RARB: variants seen among roughly 807,000 people sequenced by gnomAD.
RARB encodes retinoic acid receptor beta, also known as HBV-activated protein.
A neutral mutation model predicts 51.9 loss-of-function variants in RARB; 17 were observed. That is an observed-to-expected ratio of 0.33 (90% CI 0.22 to 0.49). The LOEUF (loss-of-function observed/expected upper bound fraction) is 0.49, where lower values mean the gene tolerates loss of function less well. RARB is among the 20% of genes least tolerant of loss of function. RARB has a pLI of 0.99. For missense variants in RARB, 369 were observed against 550.8 expected, an observed-to-expected ratio of 0.67 and a Z score of 3.30; for synonymous variants, 215 against 195.4, an observed-to-expected ratio of 1.10 and a Z score of -0.84.
intron 5 of RARB, among the ~76,000 whole-genome samples, chr3:25,296,915 A>T (rs780148637): frequency 1.3e-5 from 2 of 152,296 alleles, no homozygotes; most frequent in African/African-American, 2.4e-5. Context: ...GAGTGAGAAG[A>T]TATGCCTTCA....
rs187740195 is a variant in RARB at position 25,475,631 on chromosome 3, A to T, written c.306+14290A>T. On this transcript the variant is annotated intron_variant, in intron 2 of 7. Coordinates refer to ENST00000330688, the MANE Select transcript of RARB (RefSeq NM_000965.5). ...TCAAGCCATCTGGGGAGCACAGTCA[A>T]TGGATGTGGGTAAATGTTTGTTTCT... 3.9e-5 allele frequency among the ~76,000 whole-genome samples: 6 copies of T among 152,288 alleles called. No homozygotes were observed. The South Asian group carries it at 1.2e-3, about 32-fold the overall frequency.
intron 2 of RARB, among the ~76,000 whole-genome samples, chr3:24,873,202 T>C (rs185281697): frequency 6.6e-6 from 1 of 152,382 alleles, no homozygotes; most frequent in Admixed American, 6.5e-5. Flanking sequence ...TTTGTAAGGT[T>C]AGAATTATCT....
At chr3:25,387,977 A>G (rs1706844786) in intron 5 of RARB, among the ~76,000 whole-genome samples, 1 of 152,076 alleles carries the variant, frequency 6.6e-6, no homozygotes, top group Non-Finnish European at 1.5e-5. Flanking sequence ...CACTAAGGAG[A>G]CTTCCCCCGT....
At chr3:24,881,555 G>GA (rs768992839) in intron 2 of RARB, among the ~76,000 whole-genome samples, 10 of 152,218 alleles carry the variant, frequency 6.6e-5, no homozygotes, top group East Asian at 5.8e-4. Context: ...GGGACCAAGA[G>GA]AAAATCTTGA....
At chr3:24,904,473 C>T (rs544283573) in intron 2 of RARB, among the ~76,000 whole-genome samples, 1 of 152,286 alleles carries the variant, frequency 6.6e-6, no homozygotes, top group East Asian at 1.9e-4. Context: ...TACCATCTGA[C>T]ACCAGTTAGA....
chr3:25,046,861 A>C (rs2125297632), intron 2 of RARB, among the ~76,000 whole-genome samples: 1 of 152,338 alleles, frequency 6.6e-6, no homozygotes, highest in Non-Finnish European at 1.5e-5. Flanking sequence ...TTATAAGTTA[A>C]TACACGTGTG....
At chr3:24,927,991 GC>G (rs1427238590) in intron 2 of RARB, among the ~76,000 whole-genome samples, 1 of 152,016 alleles carries the variant, frequency 6.6e-6, no homozygotes, top group East Asian at 1.9e-4. Flanking sequence ...CAATGTGATT[GC>G]TTTATTGTTG....
chr3:25,036,782 C>T (rs1201330312), intron 2 of RARB, among the ~76,000 whole-genome samples: 2 of 152,170 alleles, frequency 1.3e-5, no homozygotes, highest in African/African-American at 4.8e-5. Context: ...AGCCAACTAA[C>T]TCCTAAGTGT....
intron 3 of RARB, among the ~76,000 whole-genome samples, chr3:25,105,657 G>C (rs1699485848): frequency 6.6e-6 from 1 of 152,156 alleles, no homozygotes; most frequent in African/African-American, 2.4e-5. Context: ...GTCAGGGGAA[G>C]CAGCTTCTTT....
At chr3:25,273,820 C>T (rs776049759) in intron 5 of RARB, among the ~76,000 whole-genome samples, 4 of 152,168 alleles carry the variant, frequency 2.6e-5, no homozygotes, top group Non-Finnish European at 5.9e-5. Flanking sequence ...CTCTTATAAC[C>T]CACCACCTAA....
rs183649518 is a variant in RARB at position 25,306,996 on chromosome 3, A to C, written c.178+132421A>C. On this transcript the variant is annotated intron_variant, in intron 5 of 11. Coordinates refer to the RARB transcript ENST00000383772. The stretch of plus-strand genomic sequence containing the variant: ...CGCTAAGAGAGATACATTCCTTCAC[A>C]TTCTACTAGTGCCAGAGACTTAAGT... 1.1e-4 allele frequency among the ~76,000 whole-genome samples: 16 copies of C among 152,286 alleles called. No individual in the cohort carries two copies. In the East Asian group the frequency reaches 3.1e-3, roughly 29 times the overall value.
At chr3:25,003,296 G>A (rs1053831554) in intron 2 of RARB, among the ~76,000 whole-genome samples, 2 of 152,052 alleles carry the variant, frequency 1.3e-5, no homozygotes, top group African/African-American at 4.8e-5. Context: ...GTTTAGGAAG[G>A]AAACATCAGA....
chr3:25,033,007 A>G (rs999072972), intron 2 of RARB, among the ~76,000 whole-genome samples: 1 of 152,224 alleles, frequency 6.6e-6, no homozygotes, highest in East Asian at 1.9e-4. Context: ...TCACACATCA[A>G]CTTAAGTCAT....
intron 6 of RARB, 54 bp from the exon 7 acceptor site, chr3:25,594,466 G>T: frequency 6.6e-7 from 1 of 1,508,650 alleles, no homozygotes; most frequent in South Asian, 1.3e-5. Context: ...ACAAGGAAGA[G>T]GGGAAAAGGG....
intron 2 of RARB, among the ~76,000 whole-genome samples, chr3:25,008,970 C>G (rs1437091150): frequency 6.6e-6 from 1 of 152,030 alleles, no homozygotes; most frequent in Non-Finnish European, 1.5e-5. Flanking sequence ...TTTAATTTTT[C>G]AAGATCTGAG....
intron 2 of RARB, among the ~76,000 whole-genome samples, chr3:24,892,179 A>G (rs1033219497): frequency 6.6e-6 from 1 of 151,596 alleles, no homozygotes; most frequent in Admixed American, 6.6e-5. Flanking sequence ...CACCCAGGGA[A>G]GTAGAAAGGC....
chr3:24,917,886 A>G (rs1413981299), intron 2 of RARB, among the ~76,000 whole-genome samples: 1 of 152,208 alleles, frequency 6.6e-6, no homozygotes, highest in African/African-American at 2.4e-5. Context: ...AATGATTATA[A>G]GTAAAGAGAC....
chr3:25,321,509 G>A (rs770015951), intron 5 of RARB, among the ~76,000 whole-genome samples: 3 of 151,938 alleles, frequency 2.0e-5, no homozygotes, highest in Non-Finnish European at 4.4e-5. Flanking sequence ...CCTGAGGTTA[G>A]GTGTTCGAGA....
upstream of RARB, among the ~76,000 whole-genome samples, chr3:25,424,789 C>T (rs538696623): frequency 5.3e-5 from 8 of 152,320 alleles, no homozygotes; most frequent in East Asian, 1.5e-3. Flanking sequence ...CACGACTGCT[C>T]TTTCTTCAGA....
Sources: gnomAD v4.1 joint callset for allele counts (sites outside exome capture counted in the v4.1 genomes callset) on GRCh38, gnomAD v4.1.1 for gene constraint, MANE v1.5 for transcripts, NCBI Gene and HGNC (gene_info 2026-07-23, HGNC 2026-07-21) for gene names.